The following RPS6KC1 variants were observed in gnomAD, a reference collection of about 807,000 sequenced individuals.
RPS6KC1 encodes inactive ribosomal protein S6 kinase delta-1.
In RPS6KC1, 54 loss-of-function variants were observed where a neutral mutation model predicts 103.8. The observed-to-expected ratio is 0.52, with a 90% CI of 0.42 to 0.65. The LOEUF (loss-of-function observed/expected upper bound fraction) is 0.65, where lower values mean the gene tolerates loss of function less well. Ranked by LOEUF, RPS6KC1 falls within the 30% of genes least tolerant of loss-of-function variation. The probability of loss-of-function intolerance (pLI) is 0.00; values close to 1 mark genes in which losing one functional copy is unlikely to be tolerated. For missense variants in RPS6KC1, 1,151 were observed against 1,253.8 expected (o/e 0.92, Z 1.24); for synonymous variants, 439 against 438.7 (o/e 1.00, Z -0.01).
chr1:213,850,357 C>T, the RPS6KC1 span, among the ~76,000 whole-genome samples: 16 of 152,122 alleles, frequency 1.1e-4, no homozygotes, highest in Non-Finnish European at 2.1e-4. Context: ...TACCAGGACA[C>T]TGTGTGTTTT....
the RPS6KC1 span, among the ~76,000 whole-genome samples, chr1:213,443,700 G>T: frequency 6.6e-6 from 1 of 151,982 alleles, no homozygotes; most frequent in African/African-American, 2.4e-5. Flanking sequence ...CAGATTGCTT[G>T]AGCCTAGGAG....
chr1:213,723,103 C>G, the RPS6KC1 span, among the ~76,000 whole-genome samples: 338 of 152,246 alleles, frequency 2.2e-3, 2 homozygotes, highest in Non-Finnish European at 3.8e-3. Flanking sequence ...TTGCTTGAAC[C>G]TGGGAGGCAG....
At chr1:213,659,378 C>T in the RPS6KC1 span, among the ~76,000 whole-genome samples, 3 of 152,104 alleles carry the variant, frequency 2.0e-5, no homozygotes, top group Non-Finnish European at 4.4e-5. Context: ...GTACTTCATG[C>T]CATCCAAGAA....
the RPS6KC1 span, among the ~76,000 whole-genome samples, chr1:213,571,606 C>T: frequency 6.6e-6 from 1 of 152,198 alleles, no homozygotes; most frequent in South Asian, 2.1e-4. Context: ...GTCCCTTTTG[C>T]TCACTTCTCA....
chr1:213,224,757 G>T (rs2093919527), intron 8 of RPS6KC1, among the ~76,000 whole-genome samples: 1 of 152,072 alleles, frequency 6.6e-6, no homozygotes, highest in African/African-American at 2.4e-5. Context: ...CTATTATTTT[G>T]TCCTTTATGC....
intron 8 of RPS6KC1, among the ~76,000 whole-genome samples, chr1:213,210,600 C>T (rs2093477465): frequency 1.3e-5 from 2 of 152,132 alleles, no homozygotes; most frequent in African/African-American, 4.8e-5. Context: ...TTCATATGTG[C>T]TTTAAAACAT....
chr1:213,724,029 A>G, the RPS6KC1 span, among the ~76,000 whole-genome samples: 5 of 152,188 alleles, frequency 3.3e-5, no homozygotes, highest in African/African-American at 1.2e-4. Flanking sequence ...ACTGAGGAGC[A>G]GAAGCAGGAT....
the RPS6KC1 span, among the ~76,000 whole-genome samples, chr1:213,576,433 G>T: frequency 1.4e-5 from 2 of 146,488 alleles, no homozygotes; most frequent in Non-Finnish European, 3.0e-5. Context: ...CAAGTCTATT[G>T]GCACCATTTT....
At chr1:213,381,836 C>T in the RPS6KC1 span, among the ~76,000 whole-genome samples, 5 of 152,302 alleles carry the variant, frequency 3.3e-5, no homozygotes, top group African/African-American at 4.8e-5. Context: ...GGCGAGTCGC[C>T]GCCCCAGCCC....
chr1:213,483,854 T>C, the RPS6KC1 span, among the ~76,000 whole-genome samples: 3 of 152,198 alleles, frequency 2.0e-5, no homozygotes, highest in African/African-American at 7.2e-5. Flanking sequence ...GAGTGAACAG[T>C]CCCTTTTTCT....
At chr1:213,329,574 A>AT in the RPS6KC1 span, among the ~76,000 whole-genome samples, 53,313 of 145,910 alleles carry the variant, frequency 0.37, 11,302 homozygotes, top group African/African-American at 0.6. Flanking sequence ...TATTCAGTTG[A>AT]TTTTTTTTTT....
chr1:213,139,751 G>A (rs964898672), intron 6 of RPS6KC1, among the ~76,000 whole-genome samples: 6 of 152,054 alleles, frequency 3.9e-5, no homozygotes, highest in African/African-American at 1.4e-4. Flanking sequence ...CTATAGCCTT[G>A]TAGTATATTT....
rs182334185 is a variant in RPS6KC1 at position 213,118,827 on chromosome 1, G to T, written c.472+1417G>T. 4.5e-4 allele frequency among the ~76,000 whole-genome samples: 69 copies of T among 152,104 alleles called. No homozygotes were observed. In the East Asian group the frequency reaches 0.013, roughly 29 times the overall value. ...GTATCTTTGACTCCACCCTGATTCT[G>T]CCAGGGTCATAGAAAAACATTGTTG... On this transcript the variant is annotated intron_variant, in intron 5 of 14. Transcript: ENST00000366960.
the RPS6KC1 span, among the ~76,000 whole-genome samples, chr1:213,467,277 T>C: frequency 6.6e-6 from 1 of 152,244 alleles, no homozygotes; most frequent in Admixed American, 6.5e-5. Context: ...TGGTCAGTTT[T>C]CATCTTGGAT....
At chr1:213,338,245 C>T in the RPS6KC1 span, among the ~76,000 whole-genome samples, 2 of 152,196 alleles carry the variant, frequency 1.3e-5, no homozygotes, top group South Asian at 4.1e-4. Context: ...ATGAACTTCA[C>T]TCCCCCTTAT....
At chr1:213,749,263 G>T in the RPS6KC1 span, among the ~76,000 whole-genome samples, 2 of 152,144 alleles carry the variant, frequency 1.3e-5, no homozygotes, top group African/African-American at 4.8e-5. Context: ...AGTGTTTGGC[G>T]GGCAGAAGGA....
chr1:213,566,884 T>G, the RPS6KC1 span, among the ~76,000 whole-genome samples: 1 of 152,216 alleles, frequency 6.6e-6, no homozygotes, highest in Non-Finnish European at 1.5e-5. Flanking sequence ...AAGTGGATGT[T>G]ATCAGGAGTT....
the RPS6KC1 span, among the ~76,000 whole-genome samples, chr1:213,800,128 G>A: frequency 6.6e-6 from 1 of 152,138 alleles, no homozygotes. Flanking sequence ...GTCACATAGG[G>A]GGTTAGGGTT....
chr1:213,680,549 C>T, the RPS6KC1 span, among the ~76,000 whole-genome samples: 2 of 152,164 alleles, frequency 1.3e-5, no homozygotes, highest in Non-Finnish European at 2.9e-5. Context: ...GACCAGGGGA[C>T]AGCTCACTCT....
Sources: gnomAD v4.1 joint callset for allele counts (sites outside exome capture counted in the v4.1 genomes callset) on GRCh38, gnomAD v4.1.1 for gene constraint, MANE v1.5 for transcripts, NCBI Gene and HGNC (gene_info 2026-07-23, HGNC 2026-07-21) for gene names.